FREM1: variants seen among roughly 807,000 people sequenced by gnomAD.
FREM1 encodes the protein FRAS1 related extracellular matrix 1.
FREM1 carries 220 observed loss-of-function variants against 210.1 expected under a neutral mutation model. That is an observed-to-expected ratio of 1.05 (90% CI 0.94 to 1.17). FREM1 has a LOEUF of 1.17. Ranked by LOEUF, FREM1 falls within the 50% of genes most tolerant of loss-of-function variation. The pLI, the probability that FREM1 is intolerant of heterozygous loss-of-function variation, is 0.00. For missense variants in FREM1, 3,454 were observed against 2,675.5 expected, an observed-to-expected ratio of 1.29 and a Z score of -6.42; for synonymous variants, 1,189 against 980.2, an observed-to-expected ratio of 1.21 and a Z score of -3.98.
intron 24 of FREM1, chr9:14,782,287 T>A (rs1235720686): frequency 5.1e-6 from 4 of 786,460 alleles, no homozygotes; most frequent in African/African-American, 1.9e-5. Flanking sequence ...TTTCTCTGGA[T>A]GCAAATTAGG....
chr9:14,910,799 C>T (rs1262978254), upstream of FREM1: 1 of 152,198 alleles, frequency 6.6e-6, no homozygotes, highest in Non-Finnish European at 1.5e-5. Context: ...TTTTTTTCTG[C>T]CCTTCTTTTC....
At chr9:14,904,169 G>C (rs1043393145) in intron 1 of FREM1, among the ~76,000 whole-genome samples, 1 of 146,880 alleles carries the variant, frequency 6.8e-6, no homozygotes, top group Admixed American at 6.8e-5. Context: ...CTGGGTTATA[G>C]AGACTAGTGA....
At chr9:14,787,453 C>A (rs1009755782) in intron 23 of FREM1, among the ~76,000 whole-genome samples, 1 of 152,150 alleles carries the variant, frequency 6.6e-6, no homozygotes, top group Admixed American at 6.5e-5. Flanking sequence ...AACGCACTGG[C>A]TAACTTTATT....
At chr9:14,853,423 G>A (rs528662644) in intron 5 of FREM1, among the ~76,000 whole-genome samples, 1 of 152,284 alleles carries the variant, frequency 6.6e-6, no homozygotes. Flanking sequence ...AATTGCAAGT[G>A]ATCACTCAGG....
At chr9:14,800,620 TA>T (rs1373957112) in intron 20 of FREM1, among the ~76,000 whole-genome samples, 1 of 151,878 alleles carries the variant, frequency 6.6e-6, no homozygotes, top group Admixed American at 6.6e-5. Flanking sequence ...TCAATAGTTT[TA>T]AAAAGGATTT....
chr9:14,806,614 T>C (rs1450043438), intron 18 of FREM1, 47 bp downstream of exon 18: 5 of 1,129,478 alleles, frequency 4.4e-6, no homozygotes, highest in Non-Finnish European at 6.6e-6. Context: ...ATCGCTTCCA[T>C]AAATATAAGG....
intron 35 of FREM1, among the ~76,000 whole-genome samples, chr9:14,742,285 A>G (rs1227346906): frequency 6.6e-6 from 1 of 152,170 alleles, no homozygotes; most frequent in Non-Finnish European, 1.5e-5. Flanking sequence ...GGTAGACTTC[A>G]GGGTAACTCT....
At chr9:14,905,764 G>A (rs935995202) in intron 1 of FREM1, among the ~76,000 whole-genome samples, 1 of 152,152 alleles carries the variant, frequency 6.6e-6, no homozygotes, top group African/African-American at 2.4e-5. Flanking sequence ...GGCAGTGCAC[G>A]CCTGTAGTCC....
In FREM1 at chr9:14,887,707, G is replaced by T. The variant is rs182729663; in HGVS notation, c.-267-18463C>A. ...CTTCCTTTCTACTTTGCTTATTAAT[G>T]TGCTTTCACTTACTATACAGAAGCA... On this transcript the variant is annotated intron_variant, in intron 1 of 36. Coordinates refer to ENST00000380880, the MANE Select transcript of FREM1 (RefSeq NM_001379081.2). 4.5e-3 allele frequency among the ~76,000 whole-genome samples: 688 copies of T among 151,980 alleles called. 6 individuals carry two copies. Among genetic ancestry groups the T allele is most frequent in the Non-Finnish European group, 5.8e-3 (393 of 67,976 alleles).
chr9:14,747,110 C>T, intron 33 of FREM1, 59 bp from the exon 34 acceptor site: 2 of 1,608,054 alleles, frequency 1.2e-6, no homozygotes, highest in South Asian at 1.1e-5. Context: ...GTTGCTCACA[C>T]ATTCACCTCC....
chr9:14,747,574 A>G (rs1842696185), intron 32 of FREM1, 107 bp downstream of exon 32: 2 of 1,048,346 alleles, frequency 1.9e-6, no homozygotes, highest in South Asian at 1.8e-5. Context: ...ATTTCAAAAC[A>G]ATTTTTTAAG....
At position 14,836,630 on chromosome 9, in the gene FREM1, T is replaced by C. The variant is rs1824664347; in HGVS notation, c.1881+4817A>G. ...TGCTTATATGTCTTGAATTGATATT[T>C]GGACGTTGTATATTCAGTACTATGA... On this transcript the variant is annotated intron_variant, in intron 10 of 36. Transcript: ENST00000380880. This position sits in a 1 kb window ranked among gnomAD's most constrained non-coding sequence, Gnocchi z 4.9. Among the ~76,000 whole-genome samples, 1 of 152,212 alleles carries C rather than the reference T, an allele frequency of 6.6e-6. No homozygotes were observed. The highest frequency in any genetic ancestry group is 6.5e-5 in the Admixed American group (1 of 15,284).
chr9:14,812,772 T>C (rs1490829823), intron 16 of FREM1, 40 bp downstream of exon 16: 1 of 1,565,530 alleles, frequency 6.4e-7, no homozygotes, highest in African/African-American at 1.3e-5. Context: ...GACTCTCATG[T>C]TGCTTGCATT....
intron 34 of FREM1, 99 bp downstream of exon 34, chr9:14,746,824 T>C: frequency 7.4e-7 from 1 of 1,358,866 alleles, no homozygotes; most frequent in East Asian, 2.5e-5. Flanking sequence ...CAGGAAGATG[T>C]AGCATGGGTT....
chr9:14,789,100 C>T lies in FREM1; in HGVS notation c.3996G>A (p.Trp1332Ter). 6.3e-7 allele frequency: 1 copy of T among 1,589,346 alleles called. No individual in the cohort carries two copies. The highest frequency in any genetic ancestry group is 1.2e-5 in the South Asian group (1 of 86,936). Residue 1332 changes from tryptophan to a stop codon, truncating the protein, a stop_gained, in exon 23 of 37, where the codon TGG becomes TGA. Coordinates refer to ENST00000380880, the MANE Select transcript of FREM1 (RefSeq NM_001379081.2). LOFTEE classifies it high-confidence loss of function. ...GQLQLKIGRD[W>*]VPLSPGMKCT... Reference sequence around the variant, plus strand: ...ATTTCATGCCAGGGGAGAGAGGAACCCAGTCCCTCCCTATCTGGAAGGAGC... The same window carrying T: ...ATTTCATGCCAGGGGAGAGAGGAACTCAGTCCCTCCCTATCTGGAAGGAGC...
intron 24 of FREM1, among the ~76,000 whole-genome samples, chr9:14,783,391 T>C (rs574734839): frequency 5.8e-4 from 89 of 152,352 alleles, no homozygotes; most frequent in Middle Eastern, 3.4e-3. Flanking sequence ...TGTTATTTTA[T>C]AGTGCTCTTT....
Position 14,808,114 on chromosome 9 carries a change from G to C in FREM1, c.2914C>G (p.Pro972Ala), listed in dbSNP as rs763414100. The change falls in exon 17 of 37, where the codon CCT becomes GCT. Residue 972 changes from proline to alanine, a missense_variant. Transcript: ENST00000380880. ...KHTGGEIGLM[P>A]CFDTITLVVS... is the part of the protein sequence containing the mutation. Reference sequence around the variant, plus strand: ...ACCAATGTAATGGTGTCAAAACAAGGCATCAGGCCAATCTCGCCACCTGGA... The same window carrying C: ...ACCAATGTAATGGTGTCAAAACAAGCCATCAGGCCAATCTCGCCACCTGGA... The C allele has an allele frequency of 3.1e-6, 5 of 1,604,470 alleles. No individual in the cohort carries two copies. Among genetic ancestry groups the C allele is most frequent in the Non-Finnish European group, 4.3e-6 (5 of 1,174,630 alleles).
chr9:14,751,483 T>C (rs897533904), intron 29 of FREM1, among the ~76,000 whole-genome samples: 1 of 152,012 alleles, frequency 6.6e-6, no homozygotes, highest in Non-Finnish European at 1.5e-5. Flanking sequence ...ACCCCATCTC[T>C]ACAATAAAAC....
Position 14,861,146 on chromosome 9 carries a change from C to A in FREM1, c.330-1662G>T, listed in dbSNP as rs567325549. On this transcript the variant is annotated intron_variant, in intron 3 of 36. Coordinates refer to ENST00000380880, the MANE Select transcript of FREM1 (RefSeq NM_001379081.2). Reference sequence around the variant, plus strand: ...ATATATACACATATATACATATATACACATATATACGTATATACACATGTA... The same window carrying A: ...ATATATACACATATATACATATATAAACATATATACGTATATACACATGTA... Among the ~76,000 whole-genome samples the A allele has an allele frequency of 1.3e-4, 14 of 103,904 alleles. 3 individuals carry two copies. Among genetic ancestry groups the A allele is most frequent in the Non-Finnish European group, 2.6e-4 (14 of 54,490 alleles). The allele number at this position is 103,904 out of a possible 152,430, so 68.2% of individuals were successfully genotyped here. A position where few individuals can be genotyped will look rare whatever the true frequency, so the allele number is the denominator to read the frequency against.
Sources: gnomAD v4.1 joint callset for allele counts (sites outside exome capture counted in the v4.1 genomes callset) on GRCh38, gnomAD v4.1.1 for gene constraint, Gnocchi (gnomAD v3.1) non-coding constraint, MANE v1.5 for transcripts, NCBI Gene and HGNC (gene_info 2026-07-23, HGNC 2026-07-21) for gene names.